HPGDS: variants seen among roughly 807,000 people sequenced by gnomAD.
The protein encoded by HPGDS is GST class-sigma.
A neutral mutation model predicts 23.1 loss-of-function variants in HPGDS; 26 were observed. That is an observed-to-expected ratio of 1.13 (90% CI 0.83 to 1.56). The LOEUF is 1.56. HPGDS is among the 40% of genes most tolerant of loss of function. The pLI is 0.00. For synonymous variants in HPGDS, 95 were observed against 77.9 expected (o/e 1.22, Z -1.16); for missense variants, 268 against 236.4 (o/e 1.13, Z -0.88).
intron 5 of HPGDS, among the ~76,000 whole-genome samples, 180 bp from the exon 6 acceptor site, chr4:94,299,824 T>C (rs528155906): frequency 6.6e-6 from 1 of 152,356 alleles, no homozygotes; most frequent in African/African-American, 2.4e-5. Flanking sequence ...GCAATCAGGT[T>C]ACTACTATTA....
At chr4:94,304,034 T>C (rs1756095970) in intron 4 of HPGDS, 1 of 151,828 alleles carries the variant, frequency 6.6e-6, no homozygotes, top group Non-Finnish European at 1.5e-5. Context: ...TCTTTTTTTT[T>C]CCAGATATAT....
intron 1 of HPGDS, among the ~76,000 whole-genome samples, chr4:94,340,051 A>C (rs545523755): frequency 6.6e-6 from 1 of 152,102 alleles, no homozygotes; most frequent in Non-Finnish European, 1.5e-5. Flanking sequence ...TCCTGGGTTC[A>C]AGCGATTATC....
chr4:94,323,154 A>T (rs534118537), intron 2 of HPGDS, among the ~76,000 whole-genome samples: 1 of 152,190 alleles, frequency 6.6e-6, no homozygotes, highest in Non-Finnish European at 1.5e-5. Context: ...CTGTTCTTTT[A>T]CATTTGCTGA....
chr4:94,315,148 G>T (rs1756369519), intron 3 of HPGDS, among the ~76,000 whole-genome samples: 1 of 152,106 alleles, frequency 6.6e-6, no homozygotes, highest in Non-Finnish European at 1.5e-5. Context: ...CCACTGTCCT[G>T]CACCTACTGT....
chr4:94,339,097 G>A (rs1362517758), intron 1 of HPGDS, among the ~76,000 whole-genome samples: 5 of 152,180 alleles, frequency 3.3e-5, no homozygotes, highest in Admixed American at 6.5e-5. Context: ...GACTAAAATG[G>A]TTCTGAGACA....
chr4:94,321,584 C>T (rs898994304), intron 2 of HPGDS, among the ~76,000 whole-genome samples: 1 of 151,940 alleles, frequency 6.6e-6, no homozygotes, highest in African/African-American at 2.4e-5. Flanking sequence ...TGGTGTATAG[C>T]AATGCTTGTG....
At chr4:94,327,680 C>T (rs984986468) in intron 2 of HPGDS, among the ~76,000 whole-genome samples, 4 of 152,116 alleles carry the variant, frequency 2.6e-5, no homozygotes, top group Non-Finnish European at 5.9e-5. Context: ...CTGGAGAGTG[C>T]GTGCTTTAGC....
At chr4:94,306,586 A>C (rs1211831574) in intron 4 of HPGDS, among the ~76,000 whole-genome samples, 1 of 152,108 alleles carries the variant, frequency 6.6e-6, no homozygotes, top group Non-Finnish European at 1.5e-5. Context: ...GGAGGGGATA[A>C]AATGAGGATT....
At chr4:94,319,521 T>C (rs1756461392) in intron 2 of HPGDS, among the ~76,000 whole-genome samples, 1 of 152,238 alleles carries the variant, frequency 6.6e-6, no homozygotes, top group African/African-American at 2.4e-5. Context: ...TATTCATTGA[T>C]AGATAAAGGC....
At chr4:94,312,201 T>G (rs1032561305) in intron 3 of HPGDS, among the ~76,000 whole-genome samples, 1 of 152,174 alleles carries the variant, frequency 6.6e-6, no homozygotes, top group African/African-American at 2.4e-5. Context: ...TGTTTGCTCT[T>G]GCTTTTCTAG....
intron 1 of HPGDS, among the ~76,000 whole-genome samples, chr4:94,342,388 A>C (rs1242294459): frequency 3.9e-5 from 6 of 152,228 alleles, no homozygotes; most frequent in Admixed American, 3.9e-4. Context: ...AAAGTCTTAA[A>C]CTTTAAAGCA....
In HPGDS at chr4:94,334,524, G is replaced by C; in HGVS notation, c.106C>G (p.Gln36Glu). ...GATTTGATTTCAGGCCAGTCAGCTT[G>C]TTCTATTCTGTGGTCTTCATACTGT... is the stretch of plus-strand genomic sequence containing the variant. ...DIQYEDHRIE[Q>E]ADWPEIKSTL... Residue 36 changes from glutamine to glutamate, a missense_variant, in exon 2 of 6, where the codon CAA becomes GAA. By Grantham distance (29) the Gln-to-Glu change is conservative. Coordinates refer to ENST00000295256, the MANE Select transcript of HPGDS (RefSeq NM_014485.3). 3 of 1,605,778 alleles carry C rather than the reference G, an allele frequency of 1.9e-6. No individual in the cohort carries two copies. The highest frequency in any genetic ancestry group is 2.5e-6 in the Non-Finnish European group (3 of 1,176,584).
chr4:94,321,271 T>TA (rs1369764669), intron 2 of HPGDS, among the ~76,000 whole-genome samples: 1 of 152,194 alleles, frequency 6.6e-6, no homozygotes, highest in Non-Finnish European at 1.5e-5. Flanking sequence ...CATATGAACT[T>TA]TAAAGTAGTT....
At chr4:94,326,733 G>A (rs1756638227) in intron 2 of HPGDS, among the ~76,000 whole-genome samples, 2 of 151,954 alleles carry the variant, frequency 1.3e-5, no homozygotes, top group South Asian at 2.1e-4. Context: ...GGTTACTGGA[G>A]AATTATTGGG....
intron 1 of HPGDS, among the ~76,000 whole-genome samples, chr4:94,340,396 T>C (rs1001105267): frequency 7.7e-6 from 1 of 129,796 alleles, no homozygotes; most frequent in Non-Finnish European, 1.6e-5. Context: ...TGGAGTGCAG[T>C]GGCGTGATCT....
intron 3 of HPGDS, among the ~76,000 whole-genome samples, chr4:94,309,892 AT>A (rs1483646166): frequency 6.6e-6 from 1 of 152,014 alleles, no homozygotes; most frequent in Non-Finnish European, 1.5e-5. Context: ...GATGACGAGC[AT>A]TTTTTCATGT....
At chr4:94,339,699 C>CT (rs988920751) in intron 1 of HPGDS, among the ~76,000 whole-genome samples, 4 of 151,888 alleles carry the variant, frequency 2.6e-5, no homozygotes, top group Non-Finnish European at 2.9e-5. Flanking sequence ...TTTCTTGTAG[C>CT]TTTTTTTTAC....
At chr4:94,340,305 CTTTCTCTTTTTTTTTTTTTTTTTTTT>C (rs1721121473) in intron 1 of HPGDS, among the ~76,000 whole-genome samples, 2 of 26,198 alleles carry the variant, frequency 7.6e-5, no homozygotes, top group African/African-American at 2.9e-4. Flanking sequence ...TTCTTTCTTT[CTTTCTCTTTTTTTTTTTTTTTTTTTT>C]TTTTTTTTTT....
chr4:94,309,050 C>CTT (rs34427506), intron 3 of HPGDS, among the ~76,000 whole-genome samples: 1,335 of 31,016 alleles, frequency 0.043, 323 homozygotes, highest in Middle Eastern at 0.15. Context: ...GGTGTACTTG[C>CTT]TTTTTTTTTT....
Sources: gnomAD v4.1 joint callset for allele counts (sites outside exome capture counted in the v4.1 genomes callset) on GRCh38, gnomAD v4.1.1 for gene constraint, MANE v1.5 for transcripts, NCBI Gene and HGNC (gene_info 2026-07-23, HGNC 2026-07-21) for gene names.